The following MDGA2 variants were observed in gnomAD, a reference collection of about 807,000 sequenced individuals.
MDGA2 encodes the protein MAM domain containing glycosylphosphatidylinositol anchor 2.
In MDGA2, 40 loss-of-function variants were observed where a neutral mutation model predicts 117.8. That is an observed-to-expected ratio of 0.34 (90% confidence interval 0.26 to 0.44). The LOEUF (loss-of-function observed/expected upper bound fraction) is 0.44. Among genes scored for constraint, MDGA2 ranks in the 20% least tolerant of loss-of-function variants. The pLI is 1.00. For missense variants in MDGA2, 1,123 were observed against 1,250.6 expected (o/e 0.90, Z 1.54); for synonymous variants, 452 against 439.0 (o/e 1.03, Z -0.37).
intron 1 of MDGA2, among the ~76,000 whole-genome samples, chr14:47,614,130 A>C (rs1244012320): frequency 6.7e-6 from 1 of 149,710 alleles, no homozygotes; most frequent in Non-Finnish European, 1.5e-5. Flanking sequence ...TCTCAAAAAA[A>C]AAAAAAAGTG....
In MDGA2 at chr14:47,015,886, A is replaced by G. The variant is rs543255258; in HGVS notation, c.1819+19125T>C. Among the ~76,000 whole-genome samples, 3 of 152,214 alleles carry G rather than the reference A, an allele frequency of 2.0e-5. No individual in the cohort carries two copies. The South Asian group carries it at 6.2e-4, about 32-fold the overall frequency. ...TCTAAGGAGCCCAGATGTAAAAAACAAAAACAAAGAATGAAATAAGAATTT... is the reference window on the plus strand; with the variant it reads ...TCTAAGGAGCCCAGATGTAAAAAACGAAAACAAAGAATGAAATAAGAATTT... On this transcript the variant is annotated intron_variant, in intron 8 of 16. Coordinates refer to ENST00000399232, the MANE Select transcript of MDGA2 (RefSeq NM_001113498.3).
intron 1 of MDGA2, among the ~76,000 whole-genome samples, chr14:47,506,034 A>G (rs562593902): frequency 6.6e-6 from 1 of 152,212 alleles, no homozygotes; most frequent in Non-Finnish European, 1.5e-5. Flanking sequence ...GCACATAAAT[A>G]ACTACTAAAA....
At chr14:46,876,398 AATG>A (rs1463903192) in intron 12 of MDGA2, among the ~76,000 whole-genome samples, 3 of 151,650 alleles carry the variant, frequency 2.0e-5, no homozygotes, top group Admixed American at 6.6e-5. Context: ...TCTGATAGAT[AATG>A]ATAACGCAAT....
At chr14:46,857,343 TA>T (rs1192477367) in intron 14 of MDGA2, among the ~76,000 whole-genome samples, 1 of 152,142 alleles carries the variant, frequency 6.6e-6, no homozygotes, top group East Asian at 1.9e-4. Context: ...TAAGTAAAAA[TA>T]TTCTCATTTC....
intron 3 of MDGA2, among the ~76,000 whole-genome samples, chr14:47,176,457 A>T (rs1168096769): frequency 2.0e-5 from 3 of 152,188 alleles, no homozygotes; most frequent in African/African-American, 7.2e-5. Flanking sequence ...ACAGATATAT[A>T]GATCAATGGA....
chr14:47,295,141 ATAT>A (rs1273471753), intron 2 of MDGA2, among the ~76,000 whole-genome samples: 1 of 152,206 alleles, frequency 6.6e-6, no homozygotes, highest in African/African-American at 2.4e-5. Context: ...GTGATGAAAA[ATAT>A]TATTCAAATG....
intron 1 of MDGA2, among the ~76,000 whole-genome samples, chr14:47,518,322 C>A (rs1894796814): frequency 6.6e-6 from 1 of 151,792 alleles, no homozygotes; most frequent in Non-Finnish European, 1.5e-5. Flanking sequence ...AAGAAGAGAA[C>A]AATAATGCAA....
intron 1 of MDGA2, among the ~76,000 whole-genome samples, chr14:47,378,587 C>T (rs979109534): frequency 1.3e-5 from 2 of 151,768 alleles, no homozygotes; most frequent in Non-Finnish European, 2.9e-5. Context: ...CTTCAGTAGC[C>T]GATTCGATCA....
chr14:47,114,774 G>C (rs921943882), intron 5 of MDGA2, among the ~76,000 whole-genome samples: 1 of 151,972 alleles, frequency 6.6e-6, no homozygotes. Flanking sequence ...ATTAACTTAA[G>C]ACGGATTAAA....
At chr14:46,859,274 T>A (rs1881410680) in intron 14 of MDGA2, among the ~76,000 whole-genome samples, 1 of 152,172 alleles carries the variant, frequency 6.6e-6, no homozygotes, top group South Asian at 2.1e-4. Flanking sequence ...TCCTCTCAGG[T>A]CTCCTTGCTC....
At chr14:47,487,673 GTTAACTT>G (rs760126142) in intron 1 of MDGA2, among the ~76,000 whole-genome samples, 1 of 152,078 alleles carries the variant, frequency 6.6e-6, no homozygotes, top group Non-Finnish European at 1.5e-5. Flanking sequence ...ATCTCTTAAT[GTTAACTT>G]TTAAGTTTAT....
At chr14:47,032,005 T>C (rs899009097) in intron 8 of MDGA2, among the ~76,000 whole-genome samples, 1 of 152,186 alleles carries the variant, frequency 6.6e-6, no homozygotes, top group Non-Finnish European at 1.5e-5. Flanking sequence ...AGTGCAACAA[T>C]AGACTAACAA....
intron 3 of MDGA2, among the ~76,000 whole-genome samples, chr14:47,190,917 A>G (rs143174672): frequency 1.3e-5 from 2 of 152,286 alleles, no homozygotes; most frequent in African/African-American, 2.4e-5. Context: ...TTGAAACAAC[A>G]TAGTTAGAGG....
intron 1 of MDGA2, among the ~76,000 whole-genome samples, chr14:47,423,556 CTGTGTGTG>C (rs34672294): frequency 3.3e-5 from 5 of 150,302 alleles, no homozygotes; most frequent in Non-Finnish European, 5.9e-5. Flanking sequence ...ATCCCCACGC[CTGTGTGTG>C]TGTGTGTGTA....
intron 1 of MDGA2, among the ~76,000 whole-genome samples, chr14:47,358,546 A>T (rs894615413): frequency 1.3e-5 from 2 of 152,166 alleles, no homozygotes; most frequent in African/African-American, 4.8e-5. Flanking sequence ...AGAAGACATG[A>T]TCCTATACGT....
In MDGA2 at chr14:47,122,280, A is replaced by G. The variant is rs540852826; in HGVS notation, c.925+9434T>C. 1.1e-4 allele frequency among the ~76,000 whole-genome samples: 17 copies of G among 152,184 alleles called. No homozygotes were observed. The East Asian group carries it at 1.4e-3, about 12-fold the overall frequency. ...CAGAATCCACACCCAGCTCTTGTTC[A>G]ATAATGCTTCTTTAGGTAGAGTTGT... On this transcript the variant is annotated intron_variant, in intron 5 of 16. Coordinates refer to ENST00000399232, the MANE Select transcript of MDGA2 (RefSeq NM_001113498.3).
intron 1 of MDGA2, among the ~76,000 whole-genome samples, chr14:47,662,690 A>T (rs187728838): frequency 1.3e-5 from 2 of 152,206 alleles, no homozygotes; most frequent in African/African-American, 4.8e-5. Context: ...GGAAATAATC[A>T]GAGAGTAAGC....
intron 1 of MDGA2, among the ~76,000 whole-genome samples, chr14:47,332,902 TGTG>T (rs1890333682): frequency 1.3e-5 from 2 of 151,976 alleles, no homozygotes; most frequent in African/African-American, 4.8e-5. Flanking sequence ...AGTGAGAACA[TGTG>T]GTACTGTTTC....
At chr14:47,564,160 C>T (rs1895872763) in intron 1 of MDGA2, among the ~76,000 whole-genome samples, 2 of 151,668 alleles carry the variant, frequency 1.3e-5, no homozygotes, top group Non-Finnish European at 2.9e-5. Context: ...AGGTGGCTGC[C>T]CCTTCTCTCT....
Sources: allele counts gnomAD v4.1 joint callset (sites outside exome capture counted in the v4.1 genomes callset), GRCh38; gene constraint gnomAD v4.1.1; transcripts MANE v1.5; gene names NCBI Gene and HGNC (gene_info 2026-07-23, HGNC 2026-07-21).